Variants in DAXX observed in about 807,000 individuals in gnomAD.
The protein encoded by DAXX is death domain associated protein, also known as death domain-associated protein 6.
DAXX carries 24 observed loss-of-function variants against 61.9 expected under a neutral mutation model. The observed-to-expected ratio is 0.39, with a 90% CI of 0.28 to 0.55. The LOEUF is 0.55. Ranked by LOEUF, DAXX falls within the 20% of genes least tolerant of loss-of-function variation. DAXX has a pLI of 0.69. For missense variants in DAXX, 819 were observed against 935.3 expected (o/e 0.88, Z 1.62); for synonymous variants, 357 against 369.5 (o/e 0.97, Z 0.39).
chr6:33,318,923 ATT>A, intron 7 of DAXX, 72 bp downstream of exon 7: 1 of 1,403,542 alleles, frequency 7.1e-7, no homozygotes, highest in South Asian at 1.2e-5. Flanking sequence ...CACGTGGAAT[ATT>A]CAGACAGAGC....
In DAXX at chr6:33,318,819, G is replaced by A. The variant is rs1340710236; in HGVS notation, c.2164-17C>T. 1 of 1,464,138 alleles carries A rather than the reference G, an allele frequency of 6.8e-7. No individual in the cohort carries two copies. The highest frequency in any genetic ancestry group is 9.4e-7 in the Non-Finnish European group (1 of 1,063,150). The allele number at this position is 1,464,138 out of a possible 1,614,324, so 90.7% of individuals were successfully genotyped here. On this transcript the variant is annotated splice_polypyrimidine_tract_variant and intron_variant, in intron 7 of 7. Transcript: ENST00000374542. ...CACACTTGTCTGCAGGGAAGTGAGA[G>A]ACAAAGAGTCAAAGAGATCTGGAGT...
intron 1 of DAXX, among the ~76,000 whole-genome samples, chr6:33,322,376 A>G (rs1770740371): frequency 6.6e-6 from 1 of 152,010 alleles, no homozygotes; most frequent in African/African-American, 2.4e-5. Flanking sequence ...CTCTCAAACA[A>G]GTCAACCCCA....
chr6:33,322,777 T>A, intron 1 of DAXX, 85 bp downstream of exon 1: 1 of 546,034 alleles, frequency 1.8e-6, no homozygotes, highest in Non-Finnish European at 3.1e-6. Context: ...AGCTTTCCCC[T>A]CAGACTCAGC....
In DAXX at chr6:33,322,945, C is replaced by A; in HGVS notation, c.-136G>T. The A allele has an allele frequency of 7.5e-7, 1 of 1,324,580 alleles. No individual in the cohort carries two copies. Among genetic ancestry groups the A allele is most frequent in the Non-Finnish European group, 1.0e-6 (1 of 958,806 alleles). The allele number at this position is 1,324,580 out of a possible 1,614,324, so 82.1% of individuals were successfully genotyped here. On this transcript the variant is annotated 5_prime_UTR_variant, in exon 1 of 8. Transcript: ENST00000374542. ...CCTCCGCCTTCCTTCCCACTCCCAC[C>A]GCAGGCCCCACTACGGACCGGAAGT...
At chr6:33,322,451 C>A (rs926763188) in intron 1 of DAXX, among the ~76,000 whole-genome samples, 7 of 152,188 alleles carry the variant, frequency 4.6e-5, no homozygotes, top group African/African-American at 1.7e-4. Flanking sequence ...AGGTTCCCTC[C>A]CAACAGTCCG....
At position 33,319,557 on chromosome 6, in the gene DAXX, G is replaced by A. The variant is rs2150988852; in HGVS notation, c.1763C>T (p.Ser588Phe). The change falls in exon 6 of 8, where the codon TCT becomes TTT. Residue 588 changes from serine (S) to phenylalanine (F), a missense_variant. Physicochemically the swap from Ser to Phe is radical, Grantham distance 155. Transcript: ENST00000374542. The part of the protein sequence containing the change: ...TPSSVETDIS[S>F]SRKQSEEPFT... ...GGGCTCCTCTGATTGCTTCCTGGAAGAGGAAATGTCCGTCTCCACAGAGGA... is the reference window on the plus strand; with the variant it reads ...GGGCTCCTCTGATTGCTTCCTGGAAAAGGAAATGTCCGTCTCCACAGAGGA... The A allele has an allele frequency of 1.2e-6, 2 of 1,614,212 alleles. No homozygotes were observed. Among genetic ancestry groups the A allele is most frequent in the Non-Finnish European group, 1.7e-6 (2 of 1,180,034 alleles).
At position 33,318,787 on chromosome 6, in the gene DAXX, G is replaced by C. The variant is rs2150985982; in HGVS notation, c.2179C>G (p.Gln727Glu). 6.4e-7 allele frequency: 1 copy of C among 1,557,914 alleles called. No individual in the cohort carries two copies. Among genetic ancestry groups the C allele is most frequent in the Non-Finnish European group, 8.8e-7 (1 of 1,142,186 alleles). ...ACGATGATCTCTTCTGGATCGCATT[G>C]TGTGGCCACACTTGTCTGCAGGGAA... ...PGTCKTSVAT[Q>E]CDPEEIIVLS... The change falls in exon 8 of 8, where the codon CAA (glutamine) becomes GAA (glutamate). Residue 727 changes from glutamine to glutamate, a missense_variant. By Grantham distance (29) the Gln-to-Glu change is conservative. Transcript: ENST00000374542.
At chr6:33,322,826 C>T (rs1270187447) in intron 1 of DAXX, 36 bp downstream of exon 1, 5 of 1,023,848 alleles carry the variant, frequency 4.9e-6, no homozygotes, top group Admixed American at 3.8e-5. Flanking sequence ...TATATCCCCG[C>T]CCCCGCCTCT....
In DAXX at chr6:33,321,721, C is replaced by CTT; in HGVS notation, c.203_204dup (p.Glu69LysfsTer76). 1 of 1,613,196 alleles carries CTT rather than the reference C, an allele frequency of 6.2e-7. No homozygotes were observed. Among genetic ancestry groups the CTT allele is most frequent in the Non-Finnish European group, 8.5e-7 (1 of 1,179,908 alleles). On this transcript the variant is annotated frameshift_variant, in exon 2 of 8. Coordinates refer to ENST00000374542, the MANE Select transcript of DAXX (RefSeq NM_001141969.2). LOFTEE classifies it high-confidence loss of function. The surrounding 1 kb of genome is among the most constrained non-coding windows in gnomAD (Gnocchi z 7.2). ...CAATCTTCCCCGCTAAAGCTCACCT[C>CTT]TTCGAACAGCTTCTCATTCTCCAGC...
chr6:33,320,295 G>T lies in DAXX; in HGVS notation c.1252-71C>A. 6.9e-7 allele frequency: 1 copy of T among 1,456,348 alleles called. No homozygotes were observed. The highest frequency in any genetic ancestry group is 9.6e-7 in the Non-Finnish European group (1 of 1,036,732). 90.2% of individuals were successfully genotyped at this position (1,456,348 alleles called of 1,614,324 possible). The stretch of plus-strand genomic sequence containing the variant: ...GTTTGGTTCTTGCTTTCCTTCTCAT[G>T]CTCCCCCATCAGTCAACCTGGACTC... On this transcript the variant is annotated intron_variant, in intron 4 of 7. Transcript: ENST00000374542. This position sits in a 1 kb window ranked among gnomAD's most constrained non-coding sequence, Gnocchi z 7.1.
Position 33,321,038 on chromosome 6 carries a change from G to A in DAXX, c.737C>T (p.Ser246Phe). The part of the protein sequence containing the change: ...FGRLCELKDC[S>F]SLTGRVIEQR... ...CTCTATGACACGGCCGGTCAGTGAA[G>A]AGCAGTCTTTCAGCTCACATAGTCG... Residue 246 changes from serine to phenylalanine, a missense_variant, in exon 3 of 8, where the codon TCT (serine) becomes TTT (phenylalanine). Coordinates refer to ENST00000374542, the MANE Select transcript of DAXX (RefSeq NM_001141969.2). The surrounding 1 kb of genome is among the most constrained non-coding windows in gnomAD (Gnocchi z 7.2). 3 of 1,614,116 alleles carry A rather than the reference G, an allele frequency of 1.9e-6. No individual in the cohort carries two copies. Among genetic ancestry groups the A allele is most frequent in the Non-Finnish European group, 2.5e-6 (3 of 1,179,942 alleles).
At chr6:33,322,204 A>G (rs1015404370) in intron 1 of DAXX, among the ~76,000 whole-genome samples, 1 of 144,270 alleles carries the variant, frequency 6.9e-6, no homozygotes, top group Non-Finnish European at 1.5e-5. Context: ...CTTCTGCTCC[A>G]CCCCTCACGT....
In DAXX at chr6:33,320,141, C is replaced by G. The variant is rs545922224; in HGVS notation, c.1335G>C (p.Glu445Asp). 1 of 1,613,910 alleles carries G rather than the reference C, an allele frequency of 6.2e-7. No homozygotes were observed. Among genetic ancestry groups the G allele is most frequent in the Admixed American group, 1.7e-5 (1 of 60,004 alleles). ...TDDEDDEESDEEEEEEEEEEE... is the reference protein window; with the variant it reads ...TDDEDDEESDDEEEEEEEEEE... ...CTTCTTCCTCCTCCTCCTCCTCTTC[C>G]TCATCACTCTCCTCATCGTCTTCGT... The change falls in exon 5 of 8, where the codon GAG (glutamate) becomes GAC (aspartate). Residue 445 changes from glutamate (E) to aspartate (D), a missense_variant. Glu to Asp is a conservative substitution (Grantham distance 45). Transcript: ENST00000374542. This position sits in a 1 kb window ranked among gnomAD's most constrained non-coding sequence, Gnocchi z 7.1.
chr6:33,321,958 T>G lies in DAXX; in HGVS notation c.-33A>C. On this transcript the variant is annotated 5_prime_UTR_variant, in exon 2 of 8. Transcript: ENST00000374542. This position sits in a 1 kb window ranked among gnomAD's most constrained non-coding sequence, Gnocchi z 7.2. ...CAAATCCCCCGGAGGGAGGAAGTGG[T>G]GGGGATTTCAGAATTCCTGCTGGAA... 2 of 1,588,162 alleles carry G rather than the reference T, an allele frequency of 1.3e-6. No individual in the cohort carries two copies. The highest frequency in any genetic ancestry group is 2.3e-5 in the East Asian group (1 of 44,400).
chr6:33,318,904 A>C (rs1162661472), intron 7 of DAXX, 93 bp downstream of exon 7: 1 of 1,306,012 alleles, frequency 7.7e-7, no homozygotes, highest in African/African-American at 1.5e-5. Flanking sequence ...AGGAAGAGAC[A>C]GGATGTGGCA....
rs776250429 is a variant in DAXX at position 33,320,715 on chromosome 6, G to A, written c.1039+21C>T. ...ACCTGACATATAAGGGTCACTGAGA[G>A]GCATCCCACCAACCCCCTACCTGGC... On this transcript the variant is annotated intron_variant, in intron 3 of 7. Coordinates refer to ENST00000374542, the MANE Select transcript of DAXX (RefSeq NM_001141969.2). The surrounding 1 kb of genome is among the most constrained non-coding windows in gnomAD (Gnocchi z 7.1). 12 of 1,611,440 alleles carry A rather than the reference G, an allele frequency of 7.4e-6. No homozygotes were observed. The African/African-American group carries it at 1.2e-4, about 16-fold the overall frequency.
At position 33,322,906 on chromosome 6, in the gene DAXX, AC is replaced by A. The variant is rs747367982; in HGVS notation, c.-98del. ...GGCGACCCTCGCCGCAATTCTCAGA[AC>A]CTCGCATGGTTCCCTCCGCCTTCCT... On this transcript the variant is annotated 5_prime_UTR_variant, in exon 1 of 8. It introduces an in-frame stop codon into an upstream open reading frame of the 5' UTR. Transcript: ENST00000374542. 2.8e-6 allele frequency: 4 copies of A among 1,437,768 alleles called. No homozygotes were observed. The highest frequency in any genetic ancestry group is 3.8e-6 in the Non-Finnish European group (4 of 1,063,406). The allele number at this position is 1,437,768 out of a possible 1,614,324, so 89.1% of individuals were successfully genotyped here.
At position 33,321,514 on chromosome 6, in the gene DAXX, G is replaced by A. The variant is rs1038351466; in HGVS notation, c.261C>T (p.Phe87=). The stretch of plus-strand genomic sequence containing the variant: ...GGGCACGTTGCTGCCGGTTATAGAG[G>A]AATGGGACCACCTCAGGGTGGTCTG... ...QTADHPEVVP[F]LYNRQQRAHS... The change falls in exon 3 of 8, where the codon TTC becomes TTT. Residue 87 remains phenylalanine (F), a synonymous_variant. Transcript: ENST00000374542. This position sits in a 1 kb window ranked among gnomAD's most constrained non-coding sequence, Gnocchi z 7.2. The A allele has an allele frequency of 6.2e-7, 1 of 1,613,948 alleles. No homozygotes were observed. The highest frequency in any genetic ancestry group is 1.7e-5 in the Admixed American group (1 of 59,990).
chr6:33,322,248 AT>A (rs1770725635), intron 1 of DAXX, among the ~76,000 whole-genome samples: 1 of 142,740 alleles, frequency 7.0e-6, no homozygotes, highest in African/African-American at 2.7e-5. Context: ...TTTCCCCCCT[AT>A]TTCTTAGAGT....
Sources: gnomAD v4.1 joint callset for allele counts (sites outside exome capture counted in the v4.1 genomes callset) on GRCh38, gnomAD v4.1.1 for gene constraint, Gnocchi (gnomAD v3.1) non-coding constraint, MANE v1.5 for transcripts, NCBI Gene and HGNC (gene_info 2026-07-23, HGNC 2026-07-21) for gene names.